Variants in FAM83B observed in about 807,000 individuals in gnomAD.
FAM83B encodes the protein protein FAM83B.
A neutral mutation model predicts 38.8 loss-of-function variants in FAM83B; 26 were observed. That is an observed-to-expected ratio of 0.67 (90% CI 0.49 to 0.93). FAM83B has a LOEUF of 0.93. Among genes scored for constraint, FAM83B ranks in the 40% least tolerant of loss-of-function variants. FAM83B has a pLI of 0.00. For synonymous variants in FAM83B, 419 were observed against 423.1 expected (o/e 0.99, Z 0.12); for missense variants, 1,237 against 1,197.3 (o/e 1.03, Z -0.49).
chr6:54,921,154 A>G (rs1342496391), intron 2 of FAM83B, among the ~76,000 whole-genome samples: 1 of 151,968 alleles, frequency 6.6e-6, no homozygotes, highest in Non-Finnish European at 1.5e-5. Flanking sequence ...TTATCCATGA[A>G]GACCTGTTGT....
chr6:54,852,783 A>G (rs1375589595), intron 1 of FAM83B, among the ~76,000 whole-genome samples: 1 of 152,238 alleles, frequency 6.6e-6, no homozygotes, highest in Non-Finnish European at 1.5e-5. Context: ...TGAGAGAGTA[A>G]AATGGCATTG....
chr6:54,878,681 G>T (rs1772055472), intron 2 of FAM83B, among the ~76,000 whole-genome samples: 1 of 152,218 alleles, frequency 6.6e-6, no homozygotes, highest in African/African-American at 2.4e-5. Flanking sequence ...TAGATCTTGG[G>T]GATCCCCACT....
intron 2 of FAM83B, among the ~76,000 whole-genome samples, chr6:54,875,287 T>C (rs970132746): frequency 6.6e-6 from 1 of 152,202 alleles, no homozygotes; most frequent in Admixed American, 6.5e-5. Context: ...TATGTTACTT[T>C]CATCCGCATC....
At chr6:54,917,627 A>G (rs560093035) in intron 2 of FAM83B, among the ~76,000 whole-genome samples, 13 of 152,130 alleles carry the variant, frequency 8.5e-5, no homozygotes, top group Non-Finnish European at 1.9e-4. Flanking sequence ...CTTGGTTCAA[A>G]TTAATAATCT....
intron 2 of FAM83B, among the ~76,000 whole-genome samples, chr6:54,913,493 G>T (rs1031463264): frequency 6.6e-6 from 1 of 151,976 alleles, no homozygotes; most frequent in South Asian, 2.1e-4. Context: ...CAGTTTGCCC[G>T]AGTAGAAAAT....
chr6:54,893,156 G>A (rs1310479055), intron 2 of FAM83B, among the ~76,000 whole-genome samples: 1 of 152,102 alleles, frequency 6.6e-6, no homozygotes, highest in Non-Finnish European at 1.5e-5. Flanking sequence ...TTCCTCTCAG[G>A]TTCCTCACCC....
At chr6:54,934,295 A>G (rs539142323) in intron 4 of FAM83B, among the ~76,000 whole-genome samples, 4 of 152,176 alleles carry the variant, frequency 2.6e-5, no homozygotes, top group Admixed American at 6.6e-5. Context: ...TTGTTTATTC[A>G]TCTGTTAATC....
intron 2 of FAM83B, among the ~76,000 whole-genome samples, chr6:54,883,466 C>G (rs1772187977): frequency 6.6e-6 from 1 of 151,460 alleles, no homozygotes; most frequent in African/African-American, 2.4e-5. Flanking sequence ...TCCCGAGTAG[C>G]TGGGATTACA....
intron 2 of FAM83B, among the ~76,000 whole-genome samples, chr6:54,883,296 C>A (rs553722867): frequency 6.8e-6 from 1 of 147,954 alleles, no homozygotes; most frequent in African/African-American, 2.5e-5. Flanking sequence ...TTCATTTTCT[C>A]ATAGGACCCA....
At chr6:54,909,609 G>A (rs1283029515) in intron 2 of FAM83B, among the ~76,000 whole-genome samples, 1 of 152,142 alleles carries the variant, frequency 6.6e-6, no homozygotes, top group Non-Finnish European at 1.5e-5. Flanking sequence ...TGAATAATAA[G>A]TTTTATTGAG....
At chr6:54,853,118 C>T (rs9464150) in intron 1 of FAM83B, among the ~76,000 whole-genome samples, 9,450 of 152,134 alleles carry the variant, frequency 0.062, 967 homozygotes, top group African/African-American at 0.21. Flanking sequence ...CTCTTCAATT[C>T]TGTGAAGGCT....
At chr6:54,894,856 T>A (rs1295719938) in intron 2 of FAM83B, among the ~76,000 whole-genome samples, 1 of 152,206 alleles carries the variant, frequency 6.6e-6, no homozygotes, top group Non-Finnish European at 1.5e-5. Flanking sequence ...GTTGAGAGCA[T>A]GAACTCGGGA....
intron 4 of FAM83B, among the ~76,000 whole-genome samples, chr6:54,933,142 C>CT (rs58637379): frequency 0.055 from 8,072 of 147,294 alleles, 713 homozygotes; most frequent in African/African-American, 0.19. Context: ...TTCTTCATTC[C>CT]TTTTTTTTTT....
chr6:54,846,728 C>G (rs924008125), upstream of FAM83B: 5 of 152,260 alleles, frequency 3.3e-5, no homozygotes, highest in East Asian at 7.7e-4. Flanking sequence ...AACTCCCCTC[C>G]CCTCCCTGCC....
Position 54,940,737 on chromosome 6 carries a change from A to T in FAM83B, c.1766A>T (p.His589Leu). Residue 589 changes from histidine to leucine, a missense_variant, in exon 5 of 5, where the codon CAT becomes CTT. Coordinates refer to ENST00000306858, the MANE Select transcript of FAM83B (RefSeq NM_001010872.3). Reference sequence around the variant, plus strand: ...CCAGACACCCCTACGAATGTACAGCATTTGACAGACAAACCCTTGCCAGAA... The same window carrying T: ...CCAGACACCCCTACGAATGTACAGCTTTTGACAGACAAACCCTTGCCAGAA... ...EVPDTPTNVQHLTDKPLPESI... is the reference protein window; with the variant it reads ...EVPDTPTNVQLLTDKPLPESI... 6.2e-7 allele frequency: 1 copy of T among 1,614,034 alleles called. No individual in the cohort carries two copies. Among genetic ancestry groups the T allele is most frequent in the Non-Finnish European group, 8.5e-7 (1 of 1,180,000 alleles).
intron 2 of FAM83B, among the ~76,000 whole-genome samples, chr6:54,888,051 G>T (rs890796104): frequency 6.8e-6 from 1 of 147,476 alleles, no homozygotes. Flanking sequence ...ATTCACATAG[G>T]TTTTATTATT....
chr6:54,932,007 CT>C (rs377085448), intron 4 of FAM83B, among the ~76,000 whole-genome samples: 4,002 of 89,096 alleles, frequency 0.045, 27 homozygotes, highest in Non-Finnish European at 0.052. Context: ...TTACATAAAA[CT>C]TTTTTTTTTT....
chr6:54,889,214 G>A (rs1166870822), intron 2 of FAM83B, among the ~76,000 whole-genome samples: 1 of 151,920 alleles, frequency 6.6e-6, no homozygotes, highest in Non-Finnish European at 1.5e-5. Context: ...ACCAATGTCT[G>A]CATTACCTGT....
At chr6:54,898,996 A>G (rs1772598326) in intron 2 of FAM83B, among the ~76,000 whole-genome samples, 1 of 152,186 alleles carries the variant, frequency 6.6e-6, no homozygotes, top group Non-Finnish European at 1.5e-5. Flanking sequence ...CATTTTCTGT[A>G]GCACTTAATC....
Sources: gnomAD v4.1 joint callset for allele counts (sites outside exome capture counted in the v4.1 genomes callset) on GRCh38, gnomAD v4.1.1 for gene constraint, MANE v1.5 for transcripts, NCBI Gene and HGNC (gene_info 2026-07-23, HGNC 2026-07-21) for gene names.